Variants in NAV2 observed in about 807,000 individuals in gnomAD.
NAV2 encodes helicase, APC down-regulated 1.
In NAV2, 54 loss-of-function variants were observed where a neutral mutation model predicts 223.2. The observed-to-expected ratio is 0.24, with a 90% CI of 0.19 to 0.30. The LOEUF is 0.30. NAV2 is among the 10% of genes least tolerant of loss of function. The pLI is 1.00. For synonymous variants in NAV2, 1,279 were observed against 1,239.3 expected (o/e 1.03, Z -0.67); for missense variants, 2,806 against 3,147.5 (o/e 0.89, Z 2.60).
At chr11:20,003,926 T>C (rs1212270418) in intron 11 of NAV2, among the ~76,000 whole-genome samples, 2 of 152,246 alleles carry the variant, frequency 1.3e-5, no homozygotes, top group African/African-American at 4.8e-5. Flanking sequence ...GTTAAATTGT[T>C]AATAATACTA....
At chr11:20,109,914 C>T (rs1005063133) in intron 36 of NAV2, among the ~76,000 whole-genome samples, 3 of 152,240 alleles carry the variant, frequency 2.0e-5, no homozygotes, top group Admixed American at 2.0e-4. Flanking sequence ...TGAGCAGGCC[C>T]CTCACTGGTT....
chr11:19,651,802 C>A (rs1454497304), intron 1 of NAV2, among the ~76,000 whole-genome samples: 1 of 152,186 alleles, frequency 6.6e-6, no homozygotes, highest in South Asian at 2.1e-4. Context: ...AAAACTGAGG[C>A]TGAATAGACC....
chr11:20,014,591 C>T (rs1000504559), intron 11 of NAV2, among the ~76,000 whole-genome samples: 1 of 152,030 alleles, frequency 6.6e-6, no homozygotes, highest in Non-Finnish European at 1.5e-5. Flanking sequence ...CCTGCCTCTA[C>T]AAAAAATTTT....
chr11:19,869,112 T>A (rs1416697088), intron 4 of NAV2, 115 bp downstream of exon 4: 4 of 994,594 alleles, frequency 4.0e-6, no homozygotes, highest in Non-Finnish European at 1.5e-6. Context: ...CTCCTCTGGT[T>A]TTGTTTTCCT....
At chr11:19,662,011 G>T (rs2048296415) in intron 1 of NAV2, among the ~76,000 whole-genome samples, 1 of 152,170 alleles carries the variant, frequency 6.6e-6, no homozygotes, top group African/African-American at 2.4e-5. Flanking sequence ...CAGTGGAAAA[G>T]TGCTGGGTTT....
chr11:19,983,684 A>G (rs1265452506), intron 10 of NAV2, among the ~76,000 whole-genome samples: 1 of 152,084 alleles, frequency 6.6e-6, no homozygotes, highest in Non-Finnish European at 1.5e-5. Flanking sequence ...CCCCTCTCTC[A>G]AAAGCCTGCC....
intron 32 of NAV2, 96 bp downstream of exon 32, chr11:20,101,268 C>T: frequency 2.0e-6 from 2 of 1,010,426 alleles, no homozygotes; most frequent in East Asian, 2.5e-5. Flanking sequence ...TTCCTATCAA[C>T]AATCCTTGGG....
intron 8 of NAV2, among the ~76,000 whole-genome samples, chr11:19,941,819 A>G (rs145176500): frequency 1.1e-3 from 173 of 152,308 alleles, no homozygotes; most frequent in African/African-American, 4.1e-3. Context: ...CGGCTTCAGC[A>G]GTTAATGGAG....
At chr11:20,032,771 C>A (rs1450020671) in intron 11 of NAV2, among the ~76,000 whole-genome samples, 1 of 152,170 alleles carries the variant, frequency 6.6e-6, no homozygotes, top group Non-Finnish European at 1.5e-5. Context: ...GGGAGCTGGG[C>A]TTAGAATCCA....
intron 1 of NAV2, among the ~76,000 whole-genome samples, chr11:19,600,577 A>G (rs1034460409): frequency 6.6e-6 from 1 of 152,226 alleles, no homozygotes; most frequent in Non-Finnish European, 1.5e-5. Flanking sequence ...TGGACTCTGG[A>G]GCCAGAATAA....
At chr11:19,935,858 T>TTTTTTTTG (rs2045825262) in intron 7 of NAV2, among the ~76,000 whole-genome samples, 3 of 102,288 alleles carry the variant, frequency 2.9e-5, no homozygotes, top group Admixed American at 2.0e-4. Context: ...TCTGTTTTTT[T>TTTTTTTTG]TTTTTTTTTT....
At chr11:19,405,880 G>A (rs554596985) in intron 1 of NAV2, among the ~76,000 whole-genome samples, 90 of 152,152 alleles carry the variant, frequency 5.9e-4, no homozygotes, top group African/African-American at 2.1e-3. Context: ...CTGTAAAAAT[G>A]CCAAAGTGTT....
intron 1 of NAV2, chr11:19,777,361 G>T: frequency 2.5e-6 from 1 of 406,634 alleles, no homozygotes; most frequent in Non-Finnish European, 4.8e-6. Context: ...GGAGACCCGG[G>T]ACTGGACGGC....
intron 1 of NAV2, among the ~76,000 whole-genome samples, chr11:19,492,032 T>C (rs1411383278): frequency 6.6e-6 from 1 of 152,058 alleles, no homozygotes. Context: ...TCAAAACATA[T>C]ATAACATTTA....
chr11:19,680,228 C>T (rs146597875), intron 1 of NAV2, among the ~76,000 whole-genome samples: 26 of 152,258 alleles, frequency 1.7e-4, no homozygotes, highest in African/African-American at 5.5e-4. Context: ...CCCCCACCCC[C>T]CTCTTTAGAG....
intron 22 of NAV2, among the ~76,000 whole-genome samples, chr11:20,076,269 G>T (rs545230552): frequency 3.9e-5 from 6 of 152,138 alleles, no homozygotes; most frequent in Non-Finnish European, 5.9e-5. Flanking sequence ...GTACTACACT[G>T]CCTCCTTCAT....
chr11:19,849,983 T>C (rs2061022664), intron 3 of NAV2, among the ~76,000 whole-genome samples: 1 of 152,114 alleles, frequency 6.6e-6, no homozygotes, highest in African/African-American at 2.4e-5. Context: ...TAGCACGGAA[T>C]AGAAGATCCT....
intron 1 of NAV2, among the ~76,000 whole-genome samples, chr11:19,519,414 C>T (rs2043571535): frequency 6.6e-6 from 1 of 152,184 alleles, no homozygotes; most frequent in African/African-American, 2.4e-5. Context: ...AACATGTGTG[C>T]TTTCATTATC....
At chr11:19,614,690 C>G (rs938643115) in intron 1 of NAV2, among the ~76,000 whole-genome samples, 1 of 152,146 alleles carries the variant, frequency 6.6e-6, no homozygotes, top group Non-Finnish European at 1.5e-5. Flanking sequence ...AGGGACCCAG[C>G]TCTATGGGCC....
Sources: gnomAD v4.1 joint callset for allele counts (sites outside exome capture counted in the v4.1 genomes callset) on GRCh38, gnomAD v4.1.1 for gene constraint, MANE v1.5 for transcripts, NCBI Gene and HGNC (gene_info 2026-07-23, HGNC 2026-07-21) for gene names.